Variants in NMD3 observed in about 807,000 individuals in gnomAD.
NMD3 encodes the protein 60S ribosomal export protein NMD3.
In NMD3, 47 loss-of-function variants were observed where a neutral mutation model predicts 73.1. That is an observed-to-expected ratio of 0.64 (90% CI 0.51 to 0.82). The LOEUF (loss-of-function observed/expected upper bound fraction) is 0.82, where lower values mean the gene tolerates loss of function less well. Ranked by LOEUF, NMD3 falls within the 40% of genes least tolerant of loss-of-function variation. The pLI is 0.00. For synonymous variants in NMD3, 210 were observed against 194.5 expected, an observed-to-expected ratio of 1.08 and a Z score of -0.66; for missense variants, 554 against 612.5, an observed-to-expected ratio of 0.90 and a Z score of 1.01.
At chr3:161,226,650 A>G (rs1294782905) in intron 3 of NMD3, among the ~76,000 whole-genome samples, 1 of 152,234 alleles carries the variant, frequency 6.6e-6, no homozygotes, top group African/African-American at 2.4e-5. Flanking sequence ...TATAAGATGT[A>G]TGTGGCATAG....
chr3:161,235,267 C>T (rs372711471), intron 7 of NMD3, 55 bp downstream of exon 7: 2 of 817,374 alleles, frequency 2.4e-6, no homozygotes, highest in Admixed American at 2.4e-5. Context: ...TTTCAACATA[C>T]CTAAGTAATC....
rs754836194 is a variant in NMD3, at chr3:161,247,229, C to A, written c.1131-29C>A. The A allele has an allele frequency of 2.4e-5, 35 of 1,459,596 alleles. No homozygotes were observed. The Admixed American group carries it at 5.6e-4, about 23-fold the overall frequency. 90.4% of individuals were successfully genotyped at this position (1,459,596 alleles called of 1,614,324 possible). On this transcript the variant is annotated intron_variant, in intron 12 of 15. Coordinates refer to ENST00000351193, the MANE Select transcript of NMD3 (RefSeq NM_015938.5). ...AAGTTACACACAAAGGGTAAATGGT[C>A]ACTAAGTTTTTCATTGTTTACATTT...
chr3:161,246,982 T>C (rs947549490), intron 12 of NMD3, among the ~76,000 whole-genome samples: 1 of 152,066 alleles, frequency 6.6e-6, no homozygotes, highest in Non-Finnish European at 1.5e-5. Flanking sequence ...AAGCAACTAA[T>C]TGAATTCTAA....
Position 161,225,074 on chromosome 3 carries a change from G to A in NMD3, c.179+10G>A, listed in dbSNP as rs768219393. ...GCAAACAATGTCAAAGGTACAGTGC[G>A]GTACAATTTTGCTCTTTTTAAAGTT... On this transcript the variant is annotated intron_variant, in intron 3 of 15. Coordinates refer to ENST00000351193, the MANE Select transcript of NMD3 (RefSeq NM_015938.5). The A allele has an allele frequency of 1.8e-5, 29 of 1,599,748 alleles. 1 individual carries two copies. The highest frequency in any genetic ancestry group is 1.0e-4 in the South Asian group (9 of 88,448).
intron 4 of NMD3, 59 bp from the exon 5 acceptor site, chr3:161,233,340 G>A (rs982800601): frequency 8.7e-6 from 10 of 1,148,776 alleles, no homozygotes; most frequent in Admixed American, 1.9e-5. Context: ...TTGTTCTTTC[G>A]TGTTTTTTTT....
chr3:161,241,506 C>T (rs375827079), intron 10 of NMD3, among the ~76,000 whole-genome samples: 9 of 151,066 alleles, frequency 6.0e-5, no homozygotes, highest in East Asian at 1.9e-4. Flanking sequence ...CTGCAACCTC[C>T]GCCTCCCAGG....
intron 11 of NMD3, 40 bp downstream of exon 11, chr3:161,242,693 C>T: frequency 6.3e-7 from 1 of 1,580,252 alleles, no homozygotes; most frequent in South Asian, 1.2e-5. Context: ...TTTTTTTCCC[C>T]TCAGTTATTA....
intron 14 of NMD3, 39 bp from the exon 15 acceptor site, chr3:161,250,217 A>G: frequency 8.8e-7 from 1 of 1,133,186 alleles, no homozygotes; most frequent in Non-Finnish European, 1.3e-6. Context: ...AAATATAACT[A>G]TATTTTTGGT....
downstream of NMD3, chr3:161,252,769 C>T: frequency 1.5e-6 from 1 of 676,068 alleles, no homozygotes. Flanking sequence ...TTTTTTGTAG[C>T]CAAATCTGCA....
chr3:161,230,612 T>A (rs9877309), intron 4 of NMD3, among the ~76,000 whole-genome samples: 7,714 of 152,232 alleles, frequency 0.051, 499 homozygotes, highest in African/African-American at 0.14. Flanking sequence ...TATTTGTTAA[T>A]TCACTCCTTC....
intron 8 of NMD3, among the ~76,000 whole-genome samples, 158 bp from the exon 9 acceptor site, chr3:161,238,572 A>C (rs908228337): frequency 2.6e-5 from 4 of 152,230 alleles, no homozygotes; most frequent in Non-Finnish European, 5.9e-5. Flanking sequence ...AGGTTTTGAC[A>C]TGCAAGTGCA....
chr3:161,235,166 GA>G lies in NMD3; in HGVS notation c.534del (p.Lys178AsnfsTer49). 6.4e-7 allele frequency: 1 copy of G among 1,555,470 alleles called. No individual in the cohort carries two copies. The highest frequency in any genetic ancestry group is 8.8e-7 in the Non-Finnish European group (1 of 1,136,934). On this transcript the variant is annotated frameshift_variant, in exon 7 of 16. Transcript: ENST00000351193. LOFTEE classifies it high-confidence loss of function. The stretch of plus-strand genomic sequence containing the variant: ...TCTACTATCTGGAACAGTTAATTCT[GA>G]AATATGGAATGCATCAGAATACACT... ...TFYYLEQLIL[K>X]YGMHQNTLRI... is the part of the protein sequence containing the mutation.
chr3:161,238,183 TC>T lies in NMD3; in HGVS notation c.651del (p.Cys218ValfsTer9). The T allele has an allele frequency of 6.3e-7, 1 of 1,596,442 alleles. No individual in the cohort carries two copies. Among genetic ancestry groups the T allele is most frequent in the Non-Finnish European group, 8.6e-7 (1 of 1,167,500 alleles). On this transcript the variant is annotated frameshift_variant, in exon 8 of 16. Coordinates refer to ENST00000351193, the MANE Select transcript of NMD3 (RefSeq NM_015938.5). LOFTEE classifies it high-confidence loss of function. ...TGGTCGAATTTCTTCAGTGTACAGT[TC>T]CCTGTAGGTATGTTCTGAACCTTGA... ...KMVEFLQCTV[P>X]CRYKASQRLI...
intron 13 of NMD3, among the ~76,000 whole-genome samples, chr3:161,247,696 G>A (rs1267769211): frequency 6.6e-6 from 1 of 151,790 alleles, no homozygotes; most frequent in Non-Finnish European, 1.5e-5. Flanking sequence ...GGCTGAGGTA[G>A]GAGAATTGCC....
chr3:161,224,576 C>T (rs1348591340), intron 2 of NMD3, among the ~76,000 whole-genome samples: 1 of 152,134 alleles, frequency 6.6e-6, no homozygotes, highest in African/African-American at 2.4e-5. Flanking sequence ...CTGCAACTTC[C>T]ACCTCCTGGG....
At chr3:161,246,599 A>C in intron 12 of NMD3, 151 bp downstream of exon 12, 1 of 416,612 alleles carries the variant, frequency 2.4e-6, no homozygotes, top group Non-Finnish European at 4.3e-6. Flanking sequence ...GTTGATAACT[A>C]AATTAAACTG....
Position 161,235,195 on chromosome 3 carries a change from G to T in NMD3, c.560G>T (p.Arg187Leu). 6.5e-7 allele frequency: 1 copy of T among 1,527,420 alleles called. No homozygotes were observed. The highest frequency in any genetic ancestry group is 9.0e-7 in the Non-Finnish European group (1 of 1,117,136). The allele number at this position is 1,527,420 out of a possible 1,614,324, so 94.6% of individuals were successfully genotyped here. Residue 187 changes from arginine (R) to leucine (L), a missense_variant, in exon 7 of 16, where the codon CGT becomes CTT. By Grantham distance (102) the Arg-to-Leu change is moderately radical. Coordinates refer to ENST00000351193, the MANE Select transcript of NMD3 (RefSeq NM_015938.5). The stretch of plus-strand genomic sequence containing the variant: ...TATGGAATGCATCAGAATACACTTC[G>T]TATCAAAGAGATTCATGGTGAGTTA... ...LKYGMHQNTL[R>L]IKEIHDGLDF...
chr3:161,246,643 G>A (rs1448641679), intron 12 of NMD3, among the ~76,000 whole-genome samples, 195 bp downstream of exon 12: 1 of 152,066 alleles, frequency 6.6e-6, no homozygotes, highest in Non-Finnish European at 1.5e-5. Flanking sequence ...CTCCATTTTG[G>A]TTATAATCTT....
chr3:161,247,466 A>G (rs562844203), intron 13 of NMD3, 136 bp downstream of exon 13: 31 of 515,034 alleles, frequency 6.0e-5, no homozygotes, highest in Non-Finnish European at 9.5e-5. Context: ...ATAAGGTATA[A>G]TAGCAAAATT....
Sources: gnomAD v4.1 joint callset for allele counts (sites outside exome capture counted in the v4.1 genomes callset) on GRCh38, gnomAD v4.1.1 for gene constraint, MANE v1.5 for transcripts, NCBI Gene and HGNC (gene_info 2026-07-23, HGNC 2026-07-21) for gene names.